TMEM255B: variants seen among roughly 807,000 people sequenced by gnomAD.
TMEM255B encodes the protein transmembrane protein 255B.
In TMEM255B, 35 loss-of-function variants were observed where a neutral mutation model predicts 34.5. The ratio of observed to expected loss-of-function variants is 1.01; its 90% confidence interval spans 0.77 to 1.34. TMEM255B has a LOEUF of 1.34. Among genes scored for constraint, TMEM255B ranks in the 40% most tolerant of loss-of-function variants. TMEM255B has a pLI of 0.00. For missense variants in TMEM255B, 432 were observed against 433.2 expected (o/e 1.00, Z 0.02); for synonymous variants, 206 against 201.2 (o/e 1.02, Z -0.20).
intron 2 of TMEM255B, 135 bp downstream of exon 2, chr13:113,766,392 G>C: frequency 7.8e-7 from 1 of 1,288,176 alleles, no homozygotes; most frequent in South Asian, 1.2e-5. Flanking sequence ...TGGTCGGCAG[G>C]GTTATGGCCC....
chr13:113,785,670 G>T (rs1282865104), intron 3 of TMEM255B, among the ~76,000 whole-genome samples: 1 of 152,210 alleles, frequency 6.6e-6, no homozygotes, highest in African/African-American at 2.4e-5. Context: ...TTAGGTCATT[G>T]GTCAGGGTCA....
chr13:113,812,436 T>C lies in TMEM255B; in HGVS notation c.*533T>C, dbSNP rs1173109842. ...AGCGCTGTGTCTAACCGCCTGTGAG[T>C]TGTTAGAATCCAGGGGCCCGGTTGT... is the stretch of plus-strand genomic sequence containing the variant. On this transcript the variant is annotated 3_prime_UTR_variant, in exon 9 of 9. Transcript: ENST00000375353. 2 of 153,220 alleles carry C rather than the reference T, an allele frequency of 1.3e-5. No homozygotes were observed. The highest frequency in any genetic ancestry group is 3.9e-4 in the East Asian group (2 of 5,194). 9.5% of individuals were successfully genotyped at this position (153,220 alleles called of 1,614,324 possible).
intron 3 of TMEM255B, among the ~76,000 whole-genome samples, chr13:113,784,551 A>T (rs1030257547): frequency 6.6e-6 from 1 of 152,026 alleles, no homozygotes; most frequent in Non-Finnish European, 1.5e-5. Flanking sequence ...GAAGAAGAAG[A>T]AGAAGGAGGA....
rs1174198467 is a variant in TMEM255B at position 113,816,817 on chromosome 13, T to C, written c.*4914T>C. 1 of 152,200 alleles carries C rather than the reference T, an allele frequency of 6.6e-6. No homozygotes were observed. Among genetic ancestry groups the C allele is most frequent in the Non-Finnish European group, 1.5e-5 (1 of 68,052 alleles). 9.4% of individuals were successfully genotyped at this position (152,200 alleles called of 1,614,324 possible). A position where few individuals can be genotyped will look rare whatever the true frequency, so the allele number is the denominator to read the frequency against. On this transcript the variant is annotated 3_prime_UTR_variant, in exon 9 of 9. Coordinates refer to ENST00000375353, the MANE Select transcript of TMEM255B (RefSeq NM_182614.4). ...AAACGTGCTTGAAACAAGGGCACCA[T>C]GGAGCGGACCCTCCCCCTCTCCCCT...
chr13:113,786,521 GTCACCACTGTCA>G (rs143293507), intron 3 of TMEM255B, among the ~76,000 whole-genome samples: 5 of 53,524 alleles, frequency 9.3e-5, no homozygotes, highest in African/African-American at 1.7e-4. Context: ...CATCACCATT[GTCACCACTGTCA>G]TCACCATTGT....
intron 3 of TMEM255B, among the ~76,000 whole-genome samples, chr13:113,784,683 G>A (rs868157106): frequency 2.2e-4 from 34 of 152,228 alleles, no homozygotes; most frequent in Admixed American, 2.6e-4. Context: ...GAGTAGCCCC[G>A]GCCCAAGCCT....
intron 7 of TMEM255B, 80 bp from the exon 8 acceptor site, chr13:113,804,805 C>T (rs189379242): frequency 0.011 from 15,155 of 1,348,604 alleles, 139 homozygotes; most frequent in Non-Finnish European, 0.013. Context: ...GTCGAGGGTG[C>T]TGGGCTTTCT....
intron 8 of TMEM255B, 55 bp downstream of exon 8, chr13:113,805,083 G>C: frequency 6.6e-7 from 1 of 1,507,334 alleles, no homozygotes; most frequent in Non-Finnish European, 8.9e-7. Flanking sequence ...GCAGTGGGAT[G>C]GACAGGATGG....
In TMEM255B at chr13:113,795,162, C is replaced by G. The variant is rs140117605; in HGVS notation, c.267C>G (p.Ile89Met). 4 of 1,613,928 alleles carry G rather than the reference C, an allele frequency of 2.5e-6. No individual in the cohort carries two copies. The highest frequency in any genetic ancestry group is 3.4e-6 in the Non-Finnish European group (4 of 1,179,944). Residue 89 changes from isoleucine (I) to methionine (M), a missense_variant, in exon 4 of 9, where the codon ATC (isoleucine) becomes ATG (methionine). Ile to Met is a conservative substitution (Grantham distance 10). Coordinates refer to ENST00000375353, the MANE Select transcript of TMEM255B (RefSeq NM_182614.4). The part of the protein sequence containing the change: ...ENRRQMLVAA[I>M]VFISFGVVAA... ...TTCTGTTGCAGCTGGTGGCAGCGAT[C>G]GTGTTTATCAGTTTTGGCGTGGTGG...
chr13:113,792,887 G>A (rs1013407357), intron 3 of TMEM255B, among the ~76,000 whole-genome samples: 1 of 152,252 alleles, frequency 6.6e-6, no homozygotes, highest in Non-Finnish European at 1.5e-5. Context: ...AACGTGAGAC[G>A]CGGGAAGGGC....
chr13:113,783,498 T>C (rs901304152), intron 3 of TMEM255B, among the ~76,000 whole-genome samples: 6 of 152,216 alleles, frequency 3.9e-5, no homozygotes, highest in African/African-American at 1.4e-4. Context: ...GATTGGGCTA[T>C]GTGCAGGAAT....
Position 113,808,602 on chromosome 13 carries a change from C to T in TMEM255B, c.814-3134C>T, listed in dbSNP as rs886180107. On this transcript the variant is annotated intron_variant, in intron 8 of 8. Coordinates refer to ENST00000375353, the MANE Select transcript of TMEM255B (RefSeq NM_182614.4). Reference sequence around the variant, plus strand: ...ACTCCGTGGTTCCTGGGAGTTTACTCCATGGTTCCAGGGGTATTTATTCCG... The same window carrying T: ...ACTCCGTGGTTCCTGGGAGTTTACTTCATGGTTCCAGGGGTATTTATTCCG... 2.7e-5 allele frequency among the ~76,000 whole-genome samples: 4 copies of T among 148,086 alleles called. No homozygotes were observed. The East Asian group carries it at 8.4e-4, about 31-fold the overall frequency.
At chr13:113,801,847 G>A in intron 7 of TMEM255B, 35 bp downstream of exon 7, 1 of 1,538,408 alleles carries the variant, frequency 6.5e-7, no homozygotes, top group Non-Finnish European at 8.8e-7. Context: ...GCTGCTCACT[G>A]GGAGCCGGGG....
intron 6 of TMEM255B, among the ~76,000 whole-genome samples, chr13:113,801,435 G>T (rs1408269009): frequency 6.6e-6 from 1 of 152,202 alleles, no homozygotes; most frequent in South Asian, 2.1e-4. Flanking sequence ...CCCAGTTGCC[G>T]CTCTTTGCCA....
intron 3 of TMEM255B, among the ~76,000 whole-genome samples, chr13:113,774,655 AAC>A (rs1186311379): frequency 9.8e-6 from 1 of 102,080 alleles, no homozygotes; most frequent in Non-Finnish European, 1.9e-5. Flanking sequence ...CACTATACAC[AAC>A]ACACACCACA....
rs2051180690 is a variant in TMEM255B, at chr13:113,806,816, C to CGCAGGGGTAGAAGGAGGAGGCCT, written c.813+1810_813+1811insTGCAGGGGTAGAAGGAGGAGGCC. 9.5e-6 allele frequency among the ~76,000 whole-genome samples: 1 copy of CGCAGGGGTAGAAGGAGGAGGCCT among 105,698 alleles called. No homozygotes were observed. Among genetic ancestry groups the CGCAGGGGTAGAAGGAGGAGGCCT allele is most frequent in the South Asian group, 2.3e-4 (1 of 4,378 alleles). The allele number at this position is 105,698 out of a possible 152,430, so 69.3% of individuals were successfully genotyped here. A position where few individuals can be genotyped will look rare whatever the true frequency, so the allele number is the denominator to read the frequency against. On this transcript the variant is annotated intron_variant, in intron 8 of 8. Coordinates refer to ENST00000375353, the MANE Select transcript of TMEM255B (RefSeq NM_182614.4). This position sits in a 1 kb window ranked among gnomAD's most constrained non-coding sequence, Gnocchi z 4.2. ...TTTGCCAAGCCCAGAACTGGAGGCCCGCAGGGGTAGAAGGAGGAGGCCCGC... is the reference window on the plus strand; with the variant it reads ...TTTGCCAAGCCCAGAACTGGAGGCCCGCAGGGGTAGAAGGAGGAGGCCTGCAGGGGTAGAAGGAGGAGGCCCGC...
chr13:113,810,750 G>T (rs1405300882), intron 8 of TMEM255B, among the ~76,000 whole-genome samples: 1 of 152,212 alleles, frequency 6.6e-6, no homozygotes, highest in East Asian at 1.9e-4. Context: ...CTGAGGCACT[G>T]TACGCAAGGG....
intron 3 of TMEM255B, among the ~76,000 whole-genome samples, chr13:113,772,307 A>ATGG (rs1187291703): frequency 6.6e-6 from 1 of 152,170 alleles, no homozygotes; most frequent in Non-Finnish European, 1.5e-5. Context: ...CACTTTCTTA[A>ATGG]TGGTGTCCTT....
intron 1 of TMEM255B, among the ~76,000 whole-genome samples, chr13:113,763,369 C>A (rs1242621647): frequency 6.6e-6 from 1 of 152,196 alleles, no homozygotes; most frequent in African/African-American, 2.4e-5. Flanking sequence ...AACGGAGTTT[C>A]ACCCACGGGA....
Sources: gnomAD v4.1 joint callset for allele counts (sites outside exome capture counted in the v4.1 genomes callset) on GRCh38, gnomAD v4.1.1 for gene constraint, Gnocchi (gnomAD v3.1) non-coding constraint, MANE v1.5 for transcripts, NCBI Gene and HGNC (gene_info 2026-07-23, HGNC 2026-07-21) for gene names.